The following GFRA1 variants were observed in gnomAD, a reference collection of about 807,000 sequenced individuals.
GFRA1 encodes GDNF family receptor alpha 1, also known as GDNF family receptor alpha-1.
GFRA1 carries 16 observed loss-of-function variants against 51.6 expected under a neutral mutation model. That is an observed-to-expected ratio of 0.31 (90% CI 0.21 to 0.47). GFRA1 has a LOEUF of 0.47. GFRA1 is among the 20% of genes least tolerant of loss of function. The pLI is 1.00. For synonymous variants in GFRA1, 270 were observed against 241.3 expected (o/e 1.12, Z -1.10); for missense variants, 530 against 594.3 (o/e 0.89, Z 1.13).
rs1037046038 is a variant in GFRA1, at chr10:116,063,421, T to C, written c.*977A>G. The C allele has an allele frequency of 6.6e-6, 1 of 152,250 alleles. No homozygotes were observed. Among genetic ancestry groups the C allele is most frequent in the Non-Finnish European group, 1.5e-5 (1 of 68,042 alleles). The allele number at this position is 152,250 out of a possible 1,614,324, so 9.4% of individuals were successfully genotyped here. A position where few individuals can be genotyped will look rare whatever the true frequency, so the allele number is the denominator to read the frequency against. On this transcript the variant is annotated 3_prime_UTR_variant, in exon 11 of 11. Transcript: ENST00000355422. ...TGATGAGCTGTATTTGTGAAGTTCA[T>C]ATCAGAGCGAACACTACTTATGAGG...
At chr10:116,226,809 A>T in intron 4 of GFRA1, 1 of 395,924 alleles carries the variant, frequency 2.5e-6, no homozygotes, top group South Asian at 1.9e-5. Flanking sequence ...CCTGGGAGGG[A>T]TGGGAGACAG....
rs1954831762 is a variant in GFRA1 at position 116,061,802 on chromosome 10, T to A, written c.*2596A>T. ...AAGTGAGACAGGTAAATGATTTAACTTATTGTGCTCCAGTTCTGGGGCAAA... is the reference window on the plus strand; with the variant it reads ...AAGTGAGACAGGTAAATGATTTAACATATTGTGCTCCAGTTCTGGGGCAAA... On this transcript the variant is annotated 3_prime_UTR_variant, in exon 11 of 11. Transcript: ENST00000355422. The A allele has an allele frequency of 2.5e-6, 1 of 394,902 alleles. No homozygotes were observed. Among genetic ancestry groups the A allele is most frequent in the Non-Finnish European group, 4.5e-6 (1 of 224,268 alleles). The allele number at this position is 394,902 out of a possible 1,614,324, so 24.5% of individuals were successfully genotyped here.
chr10:116,097,916 G>C (rs1463665673), intron 6 of GFRA1, among the ~76,000 whole-genome samples: 1 of 152,198 alleles, frequency 6.6e-6, no homozygotes, highest in Non-Finnish European at 1.5e-5. Flanking sequence ...GATCACAAAG[G>C]TTTCTAAGGA....
chr10:116,215,112 A>C (rs1295633880), intron 4 of GFRA1, among the ~76,000 whole-genome samples: 1 of 152,210 alleles, frequency 6.6e-6, no homozygotes, highest in African/African-American at 2.4e-5. Flanking sequence ...GAGGTATATA[A>C]ATCATTCCAT....
At chr10:116,109,313 C>G (rs1431561925) in intron 6 of GFRA1, among the ~76,000 whole-genome samples, 1 of 152,144 alleles carries the variant, frequency 6.6e-6, no homozygotes, top group African/African-American at 2.4e-5. Flanking sequence ...TGGACTTTGG[C>G]TGCCATTTTA....
chr10:116,238,152 G>A (rs1262064372), intron 4 of GFRA1, among the ~76,000 whole-genome samples: 1 of 152,162 alleles, frequency 6.6e-6, no homozygotes, highest in Non-Finnish European at 1.5e-5. Context: ...AACTTTAAGT[G>A]CACGCAAACC....
intron 5 of GFRA1, among the ~76,000 whole-genome samples, chr10:116,164,771 T>C (rs755572853): frequency 6.6e-6 from 1 of 152,190 alleles, no homozygotes; most frequent in Admixed American, 6.5e-5. Context: ...AGCAATCCAG[T>C]GTTGCCTTTA....
rs569323748 is a variant in GFRA1, at chr10:116,179,992, T to C, written c.433+31639A>G. ...ACCAAGCAAGACCTAGCAAAGGAGA[T>C]ATTTTGTTTCCCACACTGAGAATTT... On this transcript the variant is annotated intron_variant, in intron 5 of 10. Coordinates refer to ENST00000355422, the MANE Select transcript of GFRA1 (RefSeq NM_005264.8). Among the ~76,000 whole-genome samples the C allele has an allele frequency of 3.2e-4, 48 of 152,148 alleles. 1 individual carries two copies. Among genetic ancestry groups the C allele is most frequent in the Non-Finnish European group, 6.9e-4 (47 of 68,024 alleles).
At chr10:116,209,014 G>A (rs572436928) in intron 5 of GFRA1, among the ~76,000 whole-genome samples, 335 of 152,262 alleles carry the variant, frequency 2.2e-3, no homozygotes, top group African/African-American at 7.6e-3. Flanking sequence ...ACATGGCCCC[G>A]TGGCCCTGGA....
intron 4 of GFRA1, among the ~76,000 whole-genome samples, chr10:116,213,618 A>T (rs1328472385): frequency 2.0e-5 from 3 of 152,204 alleles, no homozygotes; most frequent in Non-Finnish European, 4.4e-5. Context: ...TATCATCAAC[A>T]TCTAATTTTG....
intron 4 of GFRA1, among the ~76,000 whole-genome samples, chr10:116,253,562 C>G (rs933638569): frequency 8.6e-5 from 13 of 151,756 alleles, no homozygotes; most frequent in Admixed American, 8.5e-4. Context: ...GAGCCAAGAT[C>G]GCACCACTGC....
chr10:116,087,791 A>G (rs372519625), intron 9 of GFRA1, among the ~76,000 whole-genome samples: 22 of 152,218 alleles, frequency 1.4e-4, no homozygotes, highest in African/African-American at 4.8e-4. Context: ...TGGAAAAAAG[A>G]CCCTGTTCCC....
chr10:116,090,378 G>C (rs1424626931), intron 8 of GFRA1, among the ~76,000 whole-genome samples: 1 of 145,246 alleles, frequency 6.9e-6, no homozygotes, highest in African/African-American at 2.5e-5. Context: ...ATGAGACTGA[G>C]GCAATTCCGT....
intron 10 of GFRA1, among the ~76,000 whole-genome samples, chr10:116,064,823 GAGTTCA>G (rs1240222568): frequency 6.6e-5 from 10 of 152,286 alleles, no homozygotes; most frequent in African/African-American, 2.2e-4. Flanking sequence ...GAAGATATCT[GAGTTCA>G]GGTACCCCTG....
intron 4 of GFRA1, among the ~76,000 whole-genome samples, chr10:116,250,431 G>C (rs1287753536): frequency 6.6e-6 from 1 of 152,062 alleles, no homozygotes; most frequent in Non-Finnish European, 1.5e-5. Flanking sequence ...TGATGAACTT[G>C]GTGATCACAA....
intron 5 of GFRA1, among the ~76,000 whole-genome samples, chr10:116,141,075 C>A (rs1958544630): frequency 6.6e-6 from 1 of 152,206 alleles, no homozygotes; most frequent in Non-Finnish European, 1.5e-5. Context: ...TAACTGACTG[C>A]TTCCACTTGA....
intron 5 of GFRA1, among the ~76,000 whole-genome samples, chr10:116,165,618 GTGTCTC>G (rs935673460): frequency 9.3e-5 from 14 of 150,698 alleles, no homozygotes; most frequent in African/African-American, 2.2e-4. Flanking sequence ...TTCTGCCTTG[GTGTCTC>G]TGTCTCTGTC....
At chr10:116,111,690 A>G (rs978472644) in intron 6 of GFRA1, among the ~76,000 whole-genome samples, 3 of 152,206 alleles carry the variant, frequency 2.0e-5, no homozygotes, top group African/African-American at 7.2e-5. Context: ...CACCTGGCCA[A>G]CATTCTCTAA....
chr10:116,241,152 T>G (rs1451809758), intron 4 of GFRA1, among the ~76,000 whole-genome samples: 1 of 152,206 alleles, frequency 6.6e-6, no homozygotes, highest in Non-Finnish European at 1.5e-5. Flanking sequence ...AAAACGTGTG[T>G]TTTTGCAAGC....
Sources: gnomAD v4.1 joint callset for allele counts (sites outside exome capture counted in the v4.1 genomes callset) on GRCh38, gnomAD v4.1.1 for gene constraint, MANE v1.5 for transcripts, NCBI Gene and HGNC (gene_info 2026-07-23, HGNC 2026-07-21) for gene names.